Variants in KIAA0586 observed in about 807,000 individuals in gnomAD.
KIAA0586 encodes the protein protein TALPID3.
In KIAA0586, 144 loss-of-function variants were observed where a neutral mutation model predicts 169.8. That is an observed-to-expected ratio of 0.85 (90% CI 0.74 to 0.97). KIAA0586 has a LOEUF of 0.97. KIAA0586 is among the 50% of genes least tolerant of loss of function. The pLI, the probability that KIAA0586 is intolerant of heterozygous loss-of-function variation, is 0.00. For missense variants in KIAA0586, 1,854 were observed against 1,823.0 expected (o/e 1.02, Z -0.31); for synonymous variants, 625 against 612.4 (o/e 1.02, Z -0.30).
At chr14:58,431,387 T>A (rs1254662017) in intron 3 of KIAA0586, among the ~76,000 whole-genome samples, 17 of 151,990 alleles carry the variant, frequency 1.1e-4, no homozygotes, top group Non-Finnish European at 1.5e-5. Flanking sequence ...CTCAGCCTCC[T>A]GAGTAGCTGG....
chr14:58,531,419 C>G (rs1393592358), intron 29 of KIAA0586, among the ~76,000 whole-genome samples: 2 of 151,822 alleles, frequency 1.3e-5, no homozygotes, highest in Non-Finnish European at 2.9e-5. Context: ...TTTATGTGGC[C>G]AACAAAGATC....
chr14:58,547,171 A>AT (rs397965872), intron 30 of KIAA0586, among the ~76,000 whole-genome samples: 9 of 150,884 alleles, frequency 6.0e-5, no homozygotes, highest in African/African-American at 1.2e-4. Context: ...AAAAAAAAAA[A>AT]GTTCTTGCTC....
intron 30 of KIAA0586, among the ~76,000 whole-genome samples, chr14:58,543,048 C>T (rs1252751666): frequency 2.0e-5 from 3 of 149,456 alleles, no homozygotes; most frequent in South Asian, 2.1e-4. Context: ...AGGAGAATGG[C>T]GTGAACTCAG....
At chr14:58,540,243 C>A in intron 30 of KIAA0586, 107 bp downstream of exon 30, 1 of 626,564 alleles carries the variant, frequency 1.6e-6, no homozygotes. Flanking sequence ...ATACTAATAG[C>A]AATTTTTAAT....
chr14:58,473,646 C>A (rs899871219), intron 18 of KIAA0586, among the ~76,000 whole-genome samples: 3 of 152,200 alleles, frequency 2.0e-5, no homozygotes, highest in Non-Finnish European at 2.9e-5. Context: ...TGGCTCATGC[C>A]TGTAATCCCA....
At chr14:58,503,076 C>T (rs2043688480) in intron 27 of KIAA0586, among the ~76,000 whole-genome samples, 1 of 152,056 alleles carries the variant, frequency 6.6e-6, no homozygotes, top group South Asian at 2.1e-4. Context: ...GAGGAGTTGT[C>T]TTGGGAAACC....
At chr14:58,555,099 C>CTTTTTTTTTTTTTTTTTTT (rs35845234), downstream of KIAA0586, among the ~76,000 whole-genome samples, 1 of 102,560 alleles carries the variant, frequency 9.8e-6, no homozygotes, top group African/African-American at 4.0e-5. Flanking sequence ...TTCTTTCTTT[C>CTTTTTTTTTTTTTTTTTTT]TTTTTTTTTT....
chr14:58,510,005 T>C (rs1595433864), intron 28 of KIAA0586, among the ~76,000 whole-genome samples: 3 of 152,178 alleles, frequency 2.0e-5, no homozygotes, highest in Admixed American at 1.3e-4. Context: ...AACAATCCAG[T>C]TGAAAAATGA....
chr14:58,543,630 T>C lies in KIAA0586; in HGVS notation c.4495+3494T>C, dbSNP rs111249441. Among the ~76,000 whole-genome samples, 305 of 152,288 alleles carry C rather than the reference T, an allele frequency of 2.0e-3. 2 individuals carry two copies. Among genetic ancestry groups the C allele is most frequent in the Middle Eastern group, 6.8e-3 (2 of 294 alleles). ...GTCATGAAGAGACTTGTGCTTAAAA[T>C]TTCATCACCGCTCCCAAGTTTGTTG... On this transcript the variant is annotated intron_variant, in intron 30 of 30. Coordinates refer to ENST00000652326, the MANE Select transcript of KIAA0586 (RefSeq NM_001329943.3).
At chr14:58,481,915 G>A (rs986673088) in intron 20 of KIAA0586, among the ~76,000 whole-genome samples, 5 of 151,828 alleles carry the variant, frequency 3.3e-5, no homozygotes, top group African/African-American at 9.7e-5. Flanking sequence ...CTGGGTTCAC[G>A]CCATCCTCCT....
downstream of KIAA0586, among the ~76,000 whole-genome samples, chr14:58,552,718 CT>C (rs547627677): frequency 2.4e-3 from 372 of 152,284 alleles, no homozygotes; most frequent in African/African-American, 8.6e-3. Context: ...TTCAAAGGAG[CT>C]GGTAAGGAGT....
At chr14:58,458,020 C>A in intron 11 of KIAA0586, 41 bp downstream of exon 11, 1 of 1,286,452 alleles carries the variant, frequency 7.8e-7, no homozygotes, top group Non-Finnish European at 1.1e-6. Flanking sequence ...ATGAGTCTGT[C>A]AGTTCCACTT....
intron 4 of KIAA0586, chr14:58,441,186 A>G (rs2038327169): frequency 3.4e-6 from 1 of 291,482 alleles, no homozygotes; most frequent in East Asian, 9.4e-5. Flanking sequence ...TAATTCTTAC[A>G]ATTCTTTTTT....
At chr14:58,462,146 A>G (rs1319360680) in intron 14 of KIAA0586, among the ~76,000 whole-genome samples, 1 of 152,050 alleles carries the variant, frequency 6.6e-6, no homozygotes, top group Non-Finnish European at 1.5e-5. Context: ...TTATATAGAA[A>G]TTTTACTAAT....
At chr14:58,476,200 T>G (rs1301064275) in intron 19 of KIAA0586, among the ~76,000 whole-genome samples, 3 of 152,192 alleles carry the variant, frequency 2.0e-5, no homozygotes, top group Non-Finnish European at 4.4e-5. Flanking sequence ...ATAGGTGAGC[T>G]TTATCAATTT....
intron 23 of KIAA0586, among the ~76,000 whole-genome samples, 178 bp downstream of exon 23, chr14:58,488,287 C>T (rs1483568554): frequency 6.6e-6 from 1 of 152,108 alleles, no homozygotes; most frequent in Non-Finnish European, 1.5e-5. Context: ...TATACCTTCA[C>T]CTTTTTTCTT....
At chr14:58,489,279 G>A (rs1233756354) in intron 24 of KIAA0586, among the ~76,000 whole-genome samples, 1 of 147,908 alleles carries the variant, frequency 6.8e-6, no homozygotes, top group Non-Finnish European at 1.5e-5. Context: ...GAGTGAGGTG[G>A]CATGATCATG....
intron 9 of KIAA0586, among the ~76,000 whole-genome samples, chr14:58,454,319 C>T (rs1206902320): frequency 6.6e-6 from 1 of 152,050 alleles, no homozygotes; most frequent in Non-Finnish European, 1.5e-5. Context: ...AGCCTTGTTC[C>T]CTCCCCTTTT....
chr14:58,497,912 C>T (rs2043275061), intron 26 of KIAA0586, among the ~76,000 whole-genome samples: 1 of 149,154 alleles, frequency 6.7e-6, no homozygotes, highest in Non-Finnish European at 1.5e-5. Flanking sequence ...GAGTCTCGCT[C>T]TGTCACCCAG....
Sources: allele counts gnomAD v4.1 joint callset (sites outside exome capture counted in the v4.1 genomes callset), GRCh38; gene constraint gnomAD v4.1.1; transcripts MANE v1.5; gene names NCBI Gene and HGNC (gene_info 2026-07-23, HGNC 2026-07-21).